Variants in SMARCC1 observed in about 807,000 individuals in gnomAD.
The protein encoded by SMARCC1 is SWI/SNF related BAF chromatin remodeling complex subunit C1.
A neutral mutation model predicts 147.4 loss-of-function variants in SMARCC1; 43 were observed. The observed-to-expected ratio is 0.29, with a 90% CI of 0.23 to 0.38. The LOEUF (loss-of-function observed/expected upper bound fraction) is 0.38. Among genes scored for constraint, SMARCC1 ranks in the 10% least tolerant of loss-of-function variants. The pLI is 1.00. For synonymous variants in SMARCC1, 495 were observed against 484.4 expected (o/e 1.02, Z -0.29); for missense variants, 1,119 against 1,381.1 (o/e 0.81, Z 3.01).
rs987664257 is a variant in SMARCC1, at chr3:47,748,148, A to G, written c.316-2155T>C. Among the ~76,000 whole-genome samples, 4 of 152,176 alleles carry G rather than the reference A, an allele frequency of 2.6e-5. No individual in the cohort carries two copies. In the East Asian group the frequency reaches 7.7e-4, roughly 29 times the overall value. ...CTGGGCGACACAGTGAGACTGTCTCAACAAAAAATAAAAAATAAAAATAAA... is the reference window on the plus strand; with the variant it reads ...CTGGGCGACACAGTGAGACTGTCTCGACAAAAAATAAAAAATAAAAATAAA... On this transcript the variant is annotated intron_variant, in intron 2 of 27. Coordinates refer to ENST00000254480, the MANE Select transcript of SMARCC1 (RefSeq NM_003074.4).
At chr3:47,724,655 T>C (rs571192346) in intron 6 of SMARCC1, among the ~76,000 whole-genome samples, 2 of 152,360 alleles carry the variant, frequency 1.3e-5, no homozygotes, top group South Asian at 4.1e-4. Context: ...TCTTCCAATG[T>C]GGCCCAGGGA....
At chr3:47,759,171 C>T (rs1362163506) in intron 2 of SMARCC1, among the ~76,000 whole-genome samples, 47 of 151,744 alleles carry the variant, frequency 3.1e-4, no homozygotes, top group Admixed American at 3.0e-3. Context: ...TCCCAAACGC[C>T]TGGCTAATTT....
intron 25 of SMARCC1, among the ~76,000 whole-genome samples, chr3:47,617,917 A>G (rs527846603): frequency 8.5e-4 from 129 of 152,328 alleles, no homozygotes; most frequent in African/African-American, 2.9e-3. Flanking sequence ...AGAACATTAT[A>G]GCTCCCATTT....
chr3:47,755,362 C>T (rs905149018), intron 2 of SMARCC1, among the ~76,000 whole-genome samples: 7 of 150,212 alleles, frequency 4.7e-5, no homozygotes, highest in African/African-American at 1.2e-4. Context: ...TAGACAGGCA[C>T]GGTGGCAGCC....
intron 18 of SMARCC1, 34 bp downstream of exon 18, chr3:47,675,441 T>C: frequency 9.8e-7 from 1 of 1,020,430 alleles, no homozygotes; most frequent in Non-Finnish European, 1.6e-6. Flanking sequence ...TAAGATGTGC[T>C]GGATTGCAGC....
chr3:47,765,592 T>C (rs1436062841), intron 2 of SMARCC1, among the ~76,000 whole-genome samples: 1 of 152,166 alleles, frequency 6.6e-6, no homozygotes, highest in Non-Finnish European at 1.5e-5. Context: ...AATGCTCACT[T>C]CAAATATATA....
chr3:47,614,028 G>T (rs1460739536), intron 25 of SMARCC1, among the ~76,000 whole-genome samples: 1 of 152,140 alleles, frequency 6.6e-6, no homozygotes, highest in African/African-American at 2.4e-5. Context: ...AAATCTATCT[G>T]CAATGCCAAG....
chr3:47,710,755 C>T lies in SMARCC1; in HGVS notation c.846G>A (p.Glu282=). ...DTDIFNEWMN[E]EDYEVDENRK... ...TATTTTCATCCACCTCATAATCCTC[C>T]TCATTCATCCATTCATTGAAAATAT... The change falls in exon 9 of 28, where the codon GAG becomes GAA. Residue 282 remains glutamate, a synonymous_variant. Coordinates refer to ENST00000254480, the MANE Select transcript of SMARCC1 (RefSeq NM_003074.4). 15 of 1,612,756 alleles carry T rather than the reference C, an allele frequency of 9.3e-6. No homozygotes were observed. The highest frequency in any genetic ancestry group is 1.1e-5 in the Non-Finnish European group (13 of 1,179,068).
At chr3:47,590,593 T>G (rs965395889) in intron 27 of SMARCC1, 68 bp downstream of exon 27, 13 of 1,349,870 alleles carry the variant, frequency 9.6e-6, no homozygotes, top group Non-Finnish European at 1.3e-5. Flanking sequence ...GAACAAAGCC[T>G]CCTTCCCTTA....
In SMARCC1 at chr3:47,723,841, A is replaced by G. The variant is rs2034265917; in HGVS notation, c.647-3106T>C. Among the ~76,000 whole-genome samples, 4 of 152,118 alleles carry G rather than the reference A, an allele frequency of 2.6e-5. No individual in the cohort carries two copies. The South Asian group carries it at 8.3e-4, about 32-fold the overall frequency. On this transcript the variant is annotated intron_variant, in intron 6 of 27. Coordinates refer to ENST00000254480, the MANE Select transcript of SMARCC1 (RefSeq NM_003074.4). ...AATTAAAAAATAAAAAGAAAAAAGA[A>G]AAACGAAAAAAGTACTTGAGTAGGT...
Position 47,699,410 on chromosome 3 carries a change from G to A in SMARCC1, c.1165+1868C>T, listed in dbSNP as rs574116397. On this transcript the variant is annotated intron_variant, in intron 11 of 27. Transcript: ENST00000254480. ...TCCTTGCATCTTTGTCACCTTCAGC[G>A]TTAGTGCTTTAGCCTTCGACCAGAC... is the stretch of plus-strand genomic sequence containing the variant. 2.2e-4 allele frequency among the ~76,000 whole-genome samples: 34 copies of A among 152,180 alleles called. 1 individual carries two copies. In the South Asian group the frequency reaches 5.6e-3, roughly 25 times the overall value.
chr3:47,700,380 C>T (rs1321003117), intron 11 of SMARCC1, among the ~76,000 whole-genome samples: 2 of 152,066 alleles, frequency 1.3e-5, no homozygotes, highest in African/African-American at 2.4e-5. Context: ...TCATAAAATG[C>T]CTATCATAGG....
At chr3:47,612,984 T>G (rs2032584585) in intron 25 of SMARCC1, among the ~76,000 whole-genome samples, 1 of 152,246 alleles carries the variant, frequency 6.6e-6, no homozygotes, top group South Asian at 2.1e-4. Flanking sequence ...TTGTTCTAGA[T>G]ACCTTATTTT....
At chr3:47,739,324 T>C (rs1258803281) in intron 3 of SMARCC1, among the ~76,000 whole-genome samples, 2 of 152,188 alleles carry the variant, frequency 1.3e-5, no homozygotes, top group Non-Finnish European at 2.9e-5. Flanking sequence ...GCTATAGTTA[T>C]AATTTTTGTT....
chr3:47,709,287 AAC>A (rs2034055447), intron 9 of SMARCC1, among the ~76,000 whole-genome samples: 1 of 151,980 alleles, frequency 6.6e-6, no homozygotes, highest in African/African-American at 2.4e-5. Flanking sequence ...TAATGTGAAA[AAC>A]AGTAAGGTTT....
chr3:47,730,562 G>A (rs1388855643), intron 5 of SMARCC1, among the ~76,000 whole-genome samples: 2 of 152,214 alleles, frequency 1.3e-5, no homozygotes, highest in East Asian at 1.9e-4. Flanking sequence ...ATATTTTATT[G>A]CTAGAAAACG....
chr3:47,633,108 A>T (rs557431129), intron 24 of SMARCC1, among the ~76,000 whole-genome samples: 1 of 152,292 alleles, frequency 6.6e-6, no homozygotes, highest in South Asian at 2.1e-4. Flanking sequence ...GATGCTTGTG[A>T]CATAGGTGGG....
At chr3:47,702,022 A>G (rs2033924483) in intron 10 of SMARCC1, among the ~76,000 whole-genome samples, 1 of 152,098 alleles carries the variant, frequency 6.6e-6, no homozygotes, top group Non-Finnish European at 1.5e-5. Context: ...GAAATATGAT[A>G]TATTCTAAGA....
rs371390713 is a variant in SMARCC1, at chr3:47,676,639, C to T, written c.1715G>A (p.Arg572Gln). Residue 572 changes from arginine (R) to glutamine (Q), a missense_variant, in exon 17 of 28, where the codon CGA (arginine) becomes CAA (glutamine). Transcript: ENST00000254480. The stretch of plus-strand genomic sequence containing the variant: ...TCAACATTAATTTACCTGAGGTGAT[C>T]GAAGATGCAGAGGCACAAGCCCAGA... ...TPSGLVPLHL[R>Q]SPQVPAAQQM... The T allele has an allele frequency of 4.3e-6, 7 of 1,613,560 alleles. No homozygotes were observed. Among genetic ancestry groups the T allele is most frequent in the South Asian group, 1.1e-5 (1 of 91,028 alleles).
Sources: gnomAD v4.1 joint callset for allele counts (sites outside exome capture counted in the v4.1 genomes callset) on GRCh38, gnomAD v4.1.1 for gene constraint, MANE v1.5 for transcripts, NCBI Gene and HGNC (gene_info 2026-07-23, HGNC 2026-07-21) for gene names.